The following ABHD12 variants were observed in gnomAD, a reference collection of about 807,000 sequenced individuals.
The protein encoded by ABHD12 is abhydrolase domain containing 12, lysophospholipase.
In ABHD12, 43 loss-of-function variants were observed where a neutral mutation model predicts 58.3. The observed-to-expected ratio is 0.74, with a 90% CI of 0.58 to 0.95. The LOEUF (loss-of-function observed/expected upper bound fraction) is 0.95. Among genes scored for constraint, ABHD12 ranks in the 40% least tolerant of loss-of-function variants. ABHD12 has a pLI of 0.00. For synonymous variants in ABHD12, 219 were observed against 211.2 expected, an observed-to-expected ratio of 1.04 and a Z score of -0.32; for missense variants, 539 against 537.2, an observed-to-expected ratio of 1.00 and a Z score of -0.03.
intron 5 of ABHD12, among the ~76,000 whole-genome samples, chr20:25,315,506 T>G (rs891337050): frequency 6.6e-6 from 1 of 152,106 alleles, no homozygotes; most frequent in African/African-American, 2.4e-5. Context: ...CCCACCCCTG[T>G]GCCCTTGCTG....
At chr20:25,304,463 G>T (rs1487570721) in intron 10 of ABHD12, among the ~76,000 whole-genome samples, 1 of 152,246 alleles carries the variant, frequency 6.6e-6, no homozygotes, top group Admixed American at 6.5e-5. Context: ...ATGAGCTGAG[G>T]GTGGGGGTCT....
intron 1 of ABHD12, among the ~76,000 whole-genome samples, chr20:25,369,175 G>A (rs1477102600): frequency 6.6e-6 from 1 of 152,012 alleles, no homozygotes; most frequent in Admixed American, 6.6e-5. Context: ...TCTCATTGTG[G>A]TTTTGATTTC....
intron 5 of ABHD12, among the ~76,000 whole-genome samples, chr20:25,316,066 T>C (rs2088955875): frequency 6.6e-6 from 1 of 152,064 alleles, no homozygotes; most frequent in South Asian, 2.1e-4. Context: ...ACTGTGTGCC[T>C]GGAAGCTGAT....
intron 1 of ABHD12, among the ~76,000 whole-genome samples, chr20:25,360,255 T>TTTTTTTTTTTTG: frequency 7.4e-6 from 1 of 134,642 alleles, no homozygotes; most frequent in Non-Finnish European, 1.6e-5. Context: ...TTTTTTTTTT[T>TTTTTTTTTTTTG]TTTGAGATGG....
chr20:25,366,006 C>T (rs1300773701), intron 1 of ABHD12, among the ~76,000 whole-genome samples: 2 of 152,212 alleles, frequency 1.3e-5, no homozygotes, highest in Non-Finnish European at 2.9e-5. Flanking sequence ...CACCACTGCA[C>T]TCCAGCCTGG....
chr20:25,342,282 A>C (rs1278451122), intron 1 of ABHD12, among the ~76,000 whole-genome samples: 1 of 152,216 alleles, frequency 6.6e-6, no homozygotes, highest in East Asian at 1.9e-4. Context: ...ACGTAGATGA[A>C]TCTCAAAATA....
chr20:25,339,349 C>T lies in ABHD12; in HGVS notation c.194G>A (p.Arg65Gln), dbSNP rs747959288. The T allele has an allele frequency of 8.1e-6, 13 of 1,613,984 alleles. No individual in the cohort carries two copies. The highest frequency in any genetic ancestry group is 6.6e-5 in the South Asian group (6 of 91,074). ...DAGMKRALGR[R>Q]KGVWLRLRKI... ...CCTCAGGCGCAACCACACGCCCTTT[C>T]GCCTGCAAGAGAAAAGCAATGAATA... Residue 65 changes from arginine to glutamine, a missense_variant and splice_region_variant, in exon 2 of 13, where the codon CGA becomes CAA. Physicochemically the swap from Arg to Gln is conservative, Grantham distance 43. Transcript: ENST00000339157.
chr20:25,368,399 C>A (rs1346898460), intron 1 of ABHD12: 5 of 1,594,320 alleles, frequency 3.1e-6, no homozygotes, highest in Non-Finnish European at 4.3e-6. Flanking sequence ...CACATGCTTG[C>A]CATCCAACCA....
chr20:25,319,863 T>G (rs1156503543), intron 4 of ABHD12, among the ~76,000 whole-genome samples: 1 of 152,212 alleles, frequency 6.6e-6, no homozygotes, highest in Admixed American at 6.5e-5. Context: ...AGACTCAGCC[T>G]CCTTCATCCC....
intron 1 of ABHD12, chr20:25,368,600 T>A (rs2089856509): frequency 4.3e-6 from 6 of 1,394,966 alleles, no homozygotes; most frequent in Non-Finnish European, 6.1e-6. Flanking sequence ...AACCCTGGAA[T>A]AATTCTGTGA....
At chr20:25,382,623 T>C (rs904748211) in intron 1 of ABHD12, among the ~76,000 whole-genome samples, 2 of 152,080 alleles carry the variant, frequency 1.3e-5, no homozygotes, top group Non-Finnish European at 2.9e-5. Flanking sequence ...AGCACAAACC[T>C]GACAAGATGA....
chr20:25,385,376 C>T (rs2090075980), intron 1 of ABHD12, among the ~76,000 whole-genome samples: 1 of 147,964 alleles, frequency 6.8e-6, no homozygotes, highest in African/African-American at 2.5e-5. Context: ...GAGGAAAAAC[C>T]CTAATTACAA....
At position 25,390,598 on chromosome 20, in the gene ABHD12, G is replaced by C. The variant is rs780387794; in HGVS notation, c.106C>G (p.Leu36Val). Residue 36 changes from leucine to valine, a missense_variant, in exon 1 of 13, where the codon CTG (leucine) becomes GTG (valine). Coordinates refer to ENST00000339157, the MANE Select transcript of ABHD12 (RefSeq NM_001042472.3). ...AAAALDADCR[L>V]KQNLRLTGPA... ...CCCGTCAGGCGTAGGTTCTGCTTCA[G>C]GCGGCAGTCGGCGTCCAGCGCCGCG... 7 of 1,471,166 alleles carry C rather than the reference G, an allele frequency of 4.8e-6. No homozygotes were observed. The African/African-American group carries it at 1.0e-4, about 22-fold the overall frequency. 91.1% of individuals were successfully genotyped at this position (1,471,166 alleles called of 1,614,324 possible). A position where few individuals can be genotyped will look rare whatever the true frequency, so the allele number is the denominator to read the frequency against.
At chr20:25,359,488 G>C (rs1462173442) in intron 1 of ABHD12, among the ~76,000 whole-genome samples, 2 of 147,304 alleles carry the variant, frequency 1.4e-5, no homozygotes, top group Non-Finnish European at 3.0e-5. Flanking sequence ...TTAAAAATCA[G>C]AATAACATGC....
At chr20:25,367,417 G>C (rs112949908) in intron 1 of ABHD12, among the ~76,000 whole-genome samples, 33 of 152,196 alleles carry the variant, frequency 2.2e-4, no homozygotes, top group African/African-American at 7.7e-4. Context: ...TTTTTTACAC[G>C]TAACAAAATT....
At chr20:25,362,231 C>CA (rs1420210354) in intron 1 of ABHD12, among the ~76,000 whole-genome samples, 1 of 150,590 alleles carries the variant, frequency 6.6e-6, no homozygotes, top group Non-Finnish European at 1.5e-5. Flanking sequence ...GGTGAGCCAA[C>CA]ATTGTGCCAT....
chr20:25,349,032 C>T (rs1371322785), intron 1 of ABHD12, among the ~76,000 whole-genome samples: 1 of 148,552 alleles, frequency 6.7e-6, no homozygotes, highest in African/African-American at 2.5e-5. Flanking sequence ...TGCAGTGAGC[C>T]GAGATCGCGC....
Position 25,390,542 on chromosome 20 carries a change from G to T in ABHD12, c.162C>A (p.Ala54=). Residue 54 remains alanine, a synonymous_variant, in exon 1 of 13, where the codon GCC becomes GCA. Coordinates refer to ENST00000339157, the MANE Select transcript of ABHD12 (RefSeq NM_001042472.3). ...GPAAAEPRCA[A]DAGMKRALGR... ...CCAGCGCCCGCTTCATTCCCGCGTC[G>T]GCTGCGCAGCGCGGCTCAGCCGCCG... 6.8e-7 allele frequency: 1 copy of T among 1,462,188 alleles called. No individual in the cohort carries two copies. Among genetic ancestry groups the T allele is most frequent in the South Asian group, 1.3e-5 (1 of 78,322 alleles). 90.6% of individuals were successfully genotyped at this position (1,462,188 alleles called of 1,614,324 possible).
chr20:25,390,381 C>A (rs2090154284), intron 1 of ABHD12, 132 bp downstream of exon 1: 1 of 924,120 alleles, frequency 1.1e-6, no homozygotes, highest in Non-Finnish European at 1.4e-6. Context: ...CAGGCGCGGA[C>A]GGGGGCGGCC....
Sources: allele counts gnomAD v4.1 joint callset (sites outside exome capture counted in the v4.1 genomes callset), GRCh38; gene constraint gnomAD v4.1.1; transcripts MANE v1.5; gene names NCBI Gene and HGNC (gene_info 2026-07-23, HGNC 2026-07-21).